Variants in SOCS4 observed in about 807,000 individuals in gnomAD.
SOCS4 encodes the protein suppressor of cytokine signaling 4.
In SOCS4, 20 loss-of-function variants were observed where a neutral mutation model predicts 34.1. The ratio of observed to expected loss-of-function variants is 0.59; its 90% confidence interval spans 0.41 to 0.85. SOCS4 has a LOEUF of 0.85. Among genes scored for constraint, SOCS4 ranks in the 40% least tolerant of loss-of-function variants. The pLI, the probability that SOCS4 is intolerant of heterozygous loss-of-function variation, is 0.00. For missense variants in SOCS4, 479 were observed against 532.4 expected (o/e 0.90, Z 0.99); for synonymous variants, 180 against 186.4 (o/e 0.97, Z 0.28).
chr14:55,042,626 A>G (rs886713049), intron 2 of SOCS4, among the ~76,000 whole-genome samples: 4 of 152,222 alleles, frequency 2.6e-5, no homozygotes, highest in African/African-American at 9.6e-5. Flanking sequence ...AGATGAGCAT[A>G]AGATATACTT....
At position 55,041,783 on chromosome 14, in the gene SOCS4, C is replaced by CTTTTTTTTTTTTTTTTTTTTTTT. The variant is rs35998700; in HGVS notation, c.-90-1165_-90-1143dup. ...CCACCGTGCCCAGCCAACCCTTAATCTTTTTTTTTTTTTTTTTTTTTTTTT... is the reference window on the plus strand; with the variant it reads ...CCACCGTGCCCAGCCAACCCTTAATCTTTTTTTTTTTTTTTTTTTTTTTTTTTTTTTTTTTTTTTTTTTTTTTT... On this transcript the variant is annotated intron_variant, in intron 2 of 2. Coordinates refer to ENST00000555846, the MANE Select transcript of SOCS4 (RefSeq NM_199421.2). Among the ~76,000 whole-genome samples the CTTTTTTTTTTTTTTTTTTTTTTT allele has an allele frequency of 6.2e-4, 25 of 40,080 alleles. 3 individuals are homozygous for CTTTTTTTTTTTTTTTTTTTTTTT. The highest frequency in any genetic ancestry group is 6.7e-4 in the African/African-American group (8 of 11,984). 26.3% of individuals were successfully genotyped at this position (40,080 alleles called of 152,430 possible).
rs185799879 is a variant in SOCS4 at position 55,037,427 on chromosome 14, G to A, written c.-91+5436G>A. 3.1e-3 allele frequency among the ~76,000 whole-genome samples: 473 copies of A among 151,818 alleles called. 4 individuals carry two copies. The highest frequency in any genetic ancestry group is 0.011 in the African/African-American group (448 of 41,426). Reference sequence around the variant, plus strand: ...CCTGGGATTACAGGCGTGAGCCACCGTGCCTGGCCTAACAATCATATTTTT... The same window carrying A: ...CCTGGGATTACAGGCGTGAGCCACCATGCCTGGCCTAACAATCATATTTTT... On this transcript the variant is annotated intron_variant, in intron 2 of 2. Transcript: ENST00000555846.
At position 55,043,776 on chromosome 14, in the gene SOCS4, C is replaced by G; in HGVS notation, c.735C>G (p.Asn245Lys). Residue 245 changes from asparagine to lysine, a missense_variant, in exon 3 of 3, where the codon AAC (asparagine) becomes AAG (lysine). Asn to Lys is a moderately conservative substitution (Grantham distance 94, BLOSUM62 0). Coordinates refer to ENST00000555846, the MANE Select transcript of SOCS4 (RefSeq NM_199421.2). ...LTLCTSSRKR[N>K]KPKWDLDDEI... ...TTTGCACAAGTTCCAGAAAAAGAAACAAACCCAAATGGGATTTGGATGATG... is the reference window on the plus strand; with the variant it reads ...TTTGCACAAGTTCCAGAAAAAGAAAGAAACCCAAATGGGATTTGGATGATG... 6.2e-7 allele frequency: 1 copy of G among 1,614,030 alleles called. No individual in the cohort carries two copies. Among genetic ancestry groups the G allele is most frequent in the Non-Finnish European group, 8.5e-7 (1 of 1,179,980 alleles).
Position 55,045,661 on chromosome 14 carries a change from A to T in SOCS4, c.*1297A>T, listed in dbSNP as rs2042669042. 6.0e-6 allele frequency: 1 copy of T among 166,946 alleles called. No individual in the cohort carries two copies. Among genetic ancestry groups the T allele is most frequent in the East Asian group, 1.9e-4 (1 of 5,198 alleles). 10.3% of individuals were successfully genotyped at this position (166,946 alleles called of 1,614,324 possible). ...TTAGCCCAAAGTAACTAGTAAAAAT[A>T]AATGGAGTGGTATCCTATCTTCTTT... On this transcript the variant is annotated 3_prime_UTR_variant, in exon 3 of 3. Transcript: ENST00000555846.
chr14:55,041,538 G>A (rs576636816), intron 2 of SOCS4, among the ~76,000 whole-genome samples: 7 of 151,612 alleles, frequency 4.6e-5, no homozygotes, highest in South Asian at 4.2e-4. Flanking sequence ...GAGCGCAGAG[G>A]TGCGATCTCA....
intron 2 of SOCS4, among the ~76,000 whole-genome samples, chr14:55,033,343 G>A (rs2042545450): frequency 6.6e-6 from 1 of 152,048 alleles, no homozygotes; most frequent in South Asian, 2.1e-4. Flanking sequence ...AGAAGCTTCT[G>A]GAAGAGATTA....
chr14:55,036,630 C>T (rs60805089), intron 2 of SOCS4, among the ~76,000 whole-genome samples: 60,511 of 151,896 alleles, frequency 0.4, 12,465 homozygotes, highest in African/African-American at 0.48. Flanking sequence ...AGGCTTGAGC[C>T]ACCACACCCG....
intron 2 of SOCS4, among the ~76,000 whole-genome samples, chr14:55,035,260 TAAAAACAGTTACCCTA>T (rs60636614): frequency 0.43 from 65,904 of 152,008 alleles, 15,299 homozygotes; most frequent in African/African-American, 0.6. Flanking sequence ...TTAGCACACG[TAAAAACAGTTACCCTA>T]AAATCCAAAC....
intron 1 of SOCS4, among the ~76,000 whole-genome samples, chr14:55,028,497 G>C (rs747613572): frequency 1.3e-5 from 2 of 151,948 alleles, no homozygotes; most frequent in African/African-American, 4.8e-5. Context: ...TCATTGGCTA[G>C]AGTACATAGA....
In SOCS4 at chr14:55,043,668, T is replaced by C; in HGVS notation, c.627T>C (p.Pro209=). 6 of 1,614,224 alleles carry C rather than the reference T, an allele frequency of 3.7e-6. No homozygotes were observed. The highest frequency in any genetic ancestry group is 4.2e-6 in the Non-Finnish European group (5 of 1,180,040). ...TTDNALCREG[P]MTGSVMNLVS... is the part of the protein sequence containing the mutation. ...ACAATGCTTTGTGTAGAGAAGGTCC[T>C]ATGACTGGCTCTGTGATGAACCTGG... Residue 209 remains proline (P), a synonymous_variant, in exon 3 of 3, where the codon CCT becomes CCC. Transcript: ENST00000555846.
intron 2 of SOCS4, among the ~76,000 whole-genome samples, chr14:55,033,652 C>G (rs917094784): frequency 2.0e-5 from 3 of 152,166 alleles, no homozygotes; most frequent in Non-Finnish European, 4.4e-5. Flanking sequence ...ATTTAGAACA[C>G]TTGTTATTTT....
At chr14:55,028,195 A>G (rs1435940121) in intron 1 of SOCS4, among the ~76,000 whole-genome samples, 1 of 152,176 alleles carries the variant, frequency 6.6e-6, no homozygotes, top group African/African-American at 2.4e-5. Context: ...AGTTGCAAAC[A>G]CACAGGCAAA....
At chr14:55,039,656 G>A (rs1426674081) in intron 2 of SOCS4, among the ~76,000 whole-genome samples, 3 of 152,354 alleles carry the variant, frequency 2.0e-5, no homozygotes, top group Admixed American at 6.5e-5. Flanking sequence ...CACTTTAGGA[G>A]GCCGAGGTGG....
intron 2 of SOCS4, among the ~76,000 whole-genome samples, chr14:55,035,207 G>A (rs1464777482): frequency 6.6e-6 from 1 of 152,150 alleles, no homozygotes; most frequent in Non-Finnish European, 1.5e-5. Context: ...AACTCAACTA[G>A]GGCAGTGATA....
chr14:55,039,576 G>C (rs1263790476), intron 2 of SOCS4, among the ~76,000 whole-genome samples: 2 of 152,182 alleles, frequency 1.3e-5, no homozygotes, highest in African/African-American at 2.4e-5. Context: ...GTAGGGCCTT[G>C]GTAAAGGTGA....
intron 2 of SOCS4, among the ~76,000 whole-genome samples, chr14:55,040,601 G>A (rs868185938): frequency 1.2e-4 from 18 of 151,884 alleles, no homozygotes; most frequent in East Asian, 5.8e-4. Flanking sequence ...AAAATTAGCC[G>A]GGCGTGGTGG....
At chr14:55,040,498 A>G (rs982379959) in intron 2 of SOCS4, among the ~76,000 whole-genome samples, 1 of 152,224 alleles carries the variant, frequency 6.6e-6, no homozygotes, top group Non-Finnish European at 1.5e-5. Context: ...TAATCCCAGC[A>G]CTTTGGGAGG....
Position 55,045,711 on chromosome 14 carries a change from A to G in SOCS4, c.*1347A>G. 6.0e-6 allele frequency: 1 copy of G among 167,066 alleles called. No homozygotes were observed. The allele number at this position is 167,066 out of a possible 1,614,324, so 10.3% of individuals were successfully genotyped here. A position where few individuals can be genotyped will look rare whatever the true frequency, so the allele number is the denominator to read the frequency against. ...TTTTTAAGGAATCAATGAATAATAA[A>G]TGTAGATAGACAATTTTCTTCTGGT... On this transcript the variant is annotated 3_prime_UTR_variant, in exon 3 of 3. Transcript: ENST00000555846.
At chr14:55,029,670 A>C (rs890745815) in intron 1 of SOCS4, among the ~76,000 whole-genome samples, 2 of 152,206 alleles carry the variant, frequency 1.3e-5, no homozygotes, top group African/African-American at 4.8e-5. Flanking sequence ...AAAATGATTA[A>C]TCTTGTGAAA....
Sources: gnomAD v4.1 joint callset for allele counts (sites outside exome capture counted in the v4.1 genomes callset) on GRCh38, gnomAD v4.1.1 for gene constraint, MANE v1.5 for transcripts, NCBI Gene and HGNC (gene_info 2026-07-23, HGNC 2026-07-21) for gene names.